The following PKHD1L1 variants were observed in gnomAD, a reference collection of about 807,000 sequenced individuals.
PKHD1L1 encodes fibrocystin-L.
PKHD1L1 carries 434 observed loss-of-function variants against 462.9 expected under a neutral mutation model. That is an observed-to-expected ratio of 0.94 (90% confidence interval 0.87 to 1.02). PKHD1L1 has a LOEUF of 1.02. PKHD1L1 is among the 50% of genes least tolerant of loss of function. The probability of loss-of-function intolerance (pLI) is 0.00; values close to 1 mark genes in which losing one functional copy is unlikely to be tolerated. For missense variants in PKHD1L1, 5,202 were observed against 5,096.1 expected, an observed-to-expected ratio of 1.02 and a Z score of -0.63; for synonymous variants, 1,781 against 1,750.0, an observed-to-expected ratio of 1.02 and a Z score of -0.44.
intron 48 of PKHD1L1, among the ~76,000 whole-genome samples, chr8:109,463,603 G>A (rs1158861055): frequency 1.3e-5 from 2 of 152,022 alleles, no homozygotes; most frequent in African/African-American, 2.4e-5. Context: ...GGTATCCTCT[G>A]TATTAAATTA....
rs200725496 is a variant in PKHD1L1, at chr8:109,425,142, G to A, written c.2755G>A (p.Glu919Lys). ...CTACAGAGGAAATAATTGGCCAGGCGAGTCAAAAATTCATATTCAAAGAAT... is the reference window on the plus strand; with the variant it reads ...CTACAGAGGAAATAATTGGCCAGGCAAGTCAAAAATTCATATTCAAAGAAT... ...FVYRGNNWPGESKIHIQRIQA... is the reference protein window; with the variant it reads ...FVYRGNNWPGKSKIHIQRIQA... The change falls in exon 24 of 78, where the codon GAG (glutamate) becomes AAG (lysine). Residue 919 changes from glutamate to lysine, a missense_variant. Physicochemically the swap from Glu to Lys is moderately conservative, Grantham distance 56 (BLOSUM62 1). This residue lies in a region of PKHD1L1 where 4,497 missense variants were observed against 4,336.8 expected (regional missense o/e 1.04). Coordinates refer to ENST00000378402, the MANE Select transcript of PKHD1L1 (RefSeq NM_177531.6). The A allele has an allele frequency of 1.2e-4, 201 of 1,608,224 alleles. No homozygotes were observed. Among genetic ancestry groups the A allele is most frequent in the Non-Finnish European group, 1.5e-4 (179 of 1,177,518 alleles).
rs138865907 is a variant in PKHD1L1, at chr8:109,473,211, A to G, written c.8606-1907A>G. Reference sequence around the variant, plus strand: ...TGTCAGGTTAAATGCAATCCCAAGCATCAGAAAACTTCACTGGAGGCTGGG... The same window carrying G: ...TGTCAGGTTAAATGCAATCCCAAGCGTCAGAAAACTTCACTGGAGGCTGGG... On this transcript the variant is annotated intron_variant, in intron 50 of 77. Transcript: ENST00000378402. 6.3e-3 allele frequency among the ~76,000 whole-genome samples: 965 copies of G among 152,306 alleles called. 3 individuals are homozygous for G. Among genetic ancestry groups the G allele is most frequent in the Non-Finnish European group, 0.011 (729 of 68,026 alleles).
chr8:109,453,711 C>G (rs980196189), intron 43 of PKHD1L1, among the ~76,000 whole-genome samples: 5 of 152,096 alleles, frequency 3.3e-5, no homozygotes, highest in Non-Finnish European at 7.4e-5. Flanking sequence ...TTTAATAATG[C>G]TAATCAGGCT....
chr8:109,524,676 T>C (rs1485162232), intron 76 of PKHD1L1, among the ~76,000 whole-genome samples: 2 of 152,230 alleles, frequency 1.3e-5, no homozygotes, highest in African/African-American at 4.8e-5. Context: ...GCATTTTTCT[T>C]TCATACGTTA....
At chr8:109,488,872 C>T (rs1050163347) in intron 59 of PKHD1L1, among the ~76,000 whole-genome samples, 1 of 140,160 alleles carries the variant, frequency 7.1e-6, no homozygotes, top group African/African-American at 2.5e-5. Flanking sequence ...ATAAATATTA[C>T]CCCTCTTTTA....
intron 14 of PKHD1L1, among the ~76,000 whole-genome samples, chr8:109,403,265 G>A (rs1359873589): frequency 1.3e-5 from 2 of 152,118 alleles, no homozygotes; most frequent in Non-Finnish European, 2.9e-5. Flanking sequence ...CTTTCCAAAG[G>A]TAGCTCATAT....
chr8:109,498,768 T>C lies in PKHD1L1; in HGVS notation c.10825T>C (p.Ser3609Pro), dbSNP rs1288869990. 1 of 1,601,328 alleles carries C rather than the reference T, an allele frequency of 6.2e-7. No homozygotes were observed. The highest frequency in any genetic ancestry group is 8.6e-7 in the Non-Finnish European group (1 of 1,168,846). ...YNAISGLLDI[S>P]GSTFVGFKNV... ...TGCCATCAGTGGCCTTTTGGACATC[T>C]CAGGCAAGTACACAGTCTTTTACAA... is the stretch of plus-strand genomic sequence containing the variant. The change falls in exon 67 of 78, where the codon TCA (serine) becomes CCA (proline). Residue 3609 changes from serine (S) to proline (P), a missense_variant. Coordinates refer to ENST00000378402, the MANE Select transcript of PKHD1L1 (RefSeq NM_177531.6).
chr8:109,498,813 G>T (rs776279068), intron 67 of PKHD1L1, 42 bp downstream of exon 67: 1 of 1,473,784 alleles, frequency 6.8e-7, no homozygotes. Context: ...ATTAATTTCT[G>T]TAAAGAATAT....
rs568910797 is a variant in PKHD1L1 at position 109,526,798 on chromosome 8, A to T, written c.12499A>T (p.Ile4167Phe). ...TPLRTGKNYK[I>F]EFILDNVVGV... ...TTTTTTTCCAGGAAAAAATTATAAGATTGAATTTATACTGGATAATGTTGT... is the reference window on the plus strand; with the variant it reads ...TTTTTTTCCAGGAAAAAATTATAAGTTTGAATTTATACTGGATAATGTTGT... The change falls in exon 77 of 78, where the codon ATT becomes TTT. Residue 4167 changes from isoleucine (I) to phenylalanine (F), a missense_variant. Around this residue, in one of 3 missense-constraint regions of PKHD1L1, gnomAD observed 698 missense variants for 736.3 expected, o/e 0.95. Transcript: ENST00000378402. 1 of 1,549,354 alleles carries T rather than the reference A, an allele frequency of 6.5e-7. No individual in the cohort carries two copies. The highest frequency in any genetic ancestry group is 8.7e-7 in the Non-Finnish European group (1 of 1,145,806).
Position 109,486,409 on chromosome 8 carries a change from G to A in PKHD1L1, c.9707-239G>A, listed in dbSNP as rs192597331. 8.6e-5 allele frequency among the ~76,000 whole-genome samples: 13 copies of A among 151,986 alleles called. No individual in the cohort carries two copies. The East Asian group carries it at 2.3e-3, about 27-fold the overall frequency. The stretch of plus-strand genomic sequence containing the variant: ...GTTAAGTAGTAACTTTATACTTGCT[G>A]ATTATAATAATCATTTTGATGTAAA... On this transcript the variant is annotated intron_variant, in intron 58 of 77. Transcript: ENST00000378402.
chr8:109,404,632 T>C lies in PKHD1L1; in HGVS notation c.1452T>C (p.Val484=), dbSNP rs1813437016. 1 of 1,608,622 alleles carries C rather than the reference T, an allele frequency of 6.2e-7. No homozygotes were observed. Among genetic ancestry groups the C allele is most frequent in the Non-Finnish European group, 8.5e-7 (1 of 1,177,122 alleles). The change falls in exon 15 of 78, where the codon GTT becomes GTC. Residue 484 remains valine, a synonymous_variant. Transcript: ENST00000378402. ...TTGGACTGTACCAGTATCGAAATGT[T>C]TATACTGAACAACAAACAGGAGATG... ...VDVGLYQYRN[V]YTEQQTGDAV...
intron 23 of PKHD1L1, among the ~76,000 whole-genome samples, chr8:109,421,493 T>C (rs1814460896): frequency 6.6e-6 from 1 of 152,126 alleles, no homozygotes; most frequent in Non-Finnish European, 1.5e-5. Flanking sequence ...TTAGAAAATA[T>C]AATAACTGGC....
At chr8:109,481,254 A>G (rs1237017408) in intron 55 of PKHD1L1, among the ~76,000 whole-genome samples, 179 bp from the exon 56 acceptor site, 1 of 151,902 alleles carries the variant, frequency 6.6e-6, no homozygotes, top group Non-Finnish European at 1.5e-5. Context: ...TTGAAAAATC[A>G]TTTAAACTGC....
chr8:109,450,063 G>T (rs1816396660), intron 40 of PKHD1L1, among the ~76,000 whole-genome samples: 1 of 152,108 alleles, frequency 6.6e-6, no homozygotes, highest in Admixed American at 6.5e-5. Context: ...TTAGTTAATG[G>T]TTAAGAGCCT....
chr8:109,503,778 C>T (rs925391185), intron 67 of PKHD1L1, among the ~76,000 whole-genome samples: 3 of 152,160 alleles, frequency 2.0e-5, no homozygotes, highest in African/African-American at 7.2e-5. Context: ...TCAATTTGGG[C>T]TTTGTTCAGC....
rs750202549 is a variant in PKHD1L1 at position 109,493,722 on chromosome 8, G to A, written c.10298G>A (p.Gly3433Glu). The change falls in exon 63 of 78, where the codon GGA becomes GAA. Residue 3433 changes from glycine to glutamate, a missense_variant. Around this residue, in one of 3 missense-constraint regions of PKHD1L1, gnomAD observed 4,497 missense variants for 4,336.8 expected, o/e 1.04. Coordinates refer to ENST00000378402, the MANE Select transcript of PKHD1L1 (RefSeq NM_177531.6). Reference sequence around the variant, plus strand: ...GTAGTGGCTGGATTTGGAAGAGCAGGATACCGCATTGATGGTGAACCTTGC... The same window carrying A: ...GTAGTGGCTGGATTTGGAAGAGCAGAATACCGCATTGATGGTGAACCTTGC... ...NNVVAGFGRA[G>E]YRIDGEPCPG... is the part of the protein sequence containing the mutation. The A allele has an allele frequency of 6.2e-7, 1 of 1,609,200 alleles. No homozygotes were observed. The highest frequency in any genetic ancestry group is 1.3e-5 in the African/African-American group (1 of 74,722).
chr8:109,376,368 G>GA (rs1383837261), intron 2 of PKHD1L1, among the ~76,000 whole-genome samples: 2 of 152,202 alleles, frequency 1.3e-5, no homozygotes, highest in South Asian at 4.1e-4. Flanking sequence ...ATTAGGGTGG[G>GA]AGTGACCTGA....
chr8:109,470,989 C>T, intron 50 of PKHD1L1: 1 of 1,610,568 alleles, frequency 6.2e-7, no homozygotes. Context: ...CCATAGGCAT[C>T]CCGCAGTTTC....
rs1192357536 is a variant in PKHD1L1 at position 109,535,980 on chromosome 8, AAAG to A, written c.*5894_*5896del. ...CCTATGCCTTTAAAACAAAGGGAAC[AAAG>A]AAGGGAACAAAGAAGGTAGAAGCGG... On this transcript the variant is annotated 3_prime_UTR_variant, in exon 78 of 78. Transcript: ENST00000378402. Among the ~76,000 whole-genome samples, 1 of 150,812 alleles carries A rather than the reference AAAG, an allele frequency of 6.6e-6. No individual in the cohort carries two copies. Among genetic ancestry groups the A allele is most frequent in the East Asian group, 1.9e-4 (1 of 5,192 alleles).
Sources: gnomAD v4.1 joint callset for allele counts (sites outside exome capture counted in the v4.1 genomes callset) on GRCh38, gnomAD v4.1.1 for gene constraint, gnomAD v4.1.1 regional missense constraint, MANE v1.5 for transcripts, NCBI Gene and HGNC (gene_info 2026-07-23, HGNC 2026-07-21) for gene names.